ZBTB20: variants seen among roughly 807,000 people sequenced by gnomAD.
The protein encoded by ZBTB20 is zinc finger and BTB domain-containing protein 20.
A neutral mutation model predicts 56.9 loss-of-function variants in ZBTB20; 9 were observed. That is an observed-to-expected ratio of 0.16 (90% CI 0.10 to 0.28). The LOEUF (loss-of-function observed/expected upper bound fraction) is 0.28, where lower values mean the gene tolerates loss of function less well. Among genes scored for constraint, ZBTB20 ranks in the 10% least tolerant of loss-of-function variants. ZBTB20 has a pLI of 1.00. For missense variants in ZBTB20, 655 were observed against 1,003.0 expected (o/e 0.65, Z 4.69); for synonymous variants, 417 against 420.7 (o/e 0.99, Z 0.11).
chr3:114,727,532 T>C (rs2065396563), intron 5 of ZBTB20, among the ~76,000 whole-genome samples: 2 of 152,334 alleles, frequency 1.3e-5, no homozygotes, highest in African/African-American at 2.4e-5. Flanking sequence ...CAAAACAAAC[T>C]TCCACTATGT....
intron 5 of ZBTB20, among the ~76,000 whole-genome samples, chr3:114,775,220 G>A (rs2069504181): frequency 6.6e-6 from 1 of 151,574 alleles, no homozygotes; most frequent in East Asian, 1.9e-4. Flanking sequence ...ACCATCCTAT[G>A]CCAATTTTCA....
At chr3:114,946,937 C>G in intron 3 of ZBTB20, among the ~76,000 whole-genome samples, 1 of 145,196 alleles carries the variant, frequency 6.9e-6, no homozygotes, top group Admixed American at 6.6e-5. Context: ...CTAGAACTTA[C>G]AAGGAACTCA....
chr3:114,420,032 T>A (rs1246792984), intron 7 of ZBTB20, among the ~76,000 whole-genome samples: 11 of 152,154 alleles, frequency 7.2e-5, no homozygotes, highest in Non-Finnish European at 1.6e-4. Flanking sequence ...TAGGTCCCAA[T>A]GGACTTCTCC....
intron 6 of ZBTB20, among the ~76,000 whole-genome samples, chr3:114,632,293 G>A (rs909473856): frequency 4.6e-5 from 7 of 152,134 alleles, no homozygotes; most frequent in African/African-American, 9.7e-5. Context: ...TGTGCTATGC[G>A]TGAGTACTGA....
At chr3:115,134,309 A>G (rs897077959) in intron 1 of ZBTB20, among the ~76,000 whole-genome samples, 8 of 152,190 alleles carry the variant, frequency 5.3e-5, no homozygotes, top group Admixed American at 5.2e-4. Context: ...AAAACTGTTA[A>G]AATTTGATAT....
chr3:114,568,723 T>C lies in ZBTB20; in HGVS notation c.-294-68332A>G, dbSNP rs144374606. 1.6e-3 allele frequency among the ~76,000 whole-genome samples: 247 copies of C among 152,326 alleles called. 1 individual carries two copies. Among genetic ancestry groups the C allele is most frequent in the African/African-American group, 5.7e-3 (235 of 41,568 alleles). ...AGTTATTACTTAGAGAGTATAAATA[T>C]AAGCTGTTAACAGGACATGAATGAC... On this transcript the variant is annotated intron_variant, in intron 6 of 11. Coordinates refer to ENST00000675478, the MANE Select transcript of ZBTB20 (RefSeq NM_001348800.3).
intron 1 of ZBTB20, among the ~76,000 whole-genome samples, chr3:115,113,286 A>T (rs2108630832): frequency 1.3e-5 from 2 of 152,360 alleles, no homozygotes; most frequent in East Asian, 3.9e-4. Context: ...TACAGCAGTT[A>T]TGTGTCTCTT....
chr3:114,404,232 C>G (rs2087085394), intron 7 of ZBTB20, among the ~76,000 whole-genome samples: 2 of 152,130 alleles, frequency 1.3e-5, no homozygotes. Flanking sequence ...CTAAGGTAAT[C>G]ACGATCATTC....
chr3:114,458,678 G>A (rs765222169), intron 7 of ZBTB20, among the ~76,000 whole-genome samples: 1 of 151,598 alleles, frequency 6.6e-6, no homozygotes. Context: ...TGAACGTACG[G>A]GTTTTCAGTG....
chr3:115,018,443 T>G (rs933376760), intron 2 of ZBTB20, among the ~76,000 whole-genome samples: 1 of 151,514 alleles, frequency 6.6e-6, no homozygotes, highest in African/African-American at 2.4e-5. Flanking sequence ...TAAATATGAT[T>G]ATTTCCATCT....
intron 6 of ZBTB20, among the ~76,000 whole-genome samples, chr3:114,665,764 G>A (rs896712451): frequency 2.0e-5 from 3 of 151,904 alleles, no homozygotes; most frequent in Admixed American, 6.6e-5. Context: ...ACAATTCATT[G>A]AACATGAGAA....
chr3:115,107,981 T>G (rs1263873852), intron 1 of ZBTB20, among the ~76,000 whole-genome samples: 1 of 152,156 alleles, frequency 6.6e-6, no homozygotes, highest in African/African-American at 2.4e-5. Flanking sequence ...CACCAGGGCC[T>G]GTCGGCGGGT....
At chr3:114,709,834 T>C (rs1320466104) in intron 5 of ZBTB20, among the ~76,000 whole-genome samples, 2 of 152,212 alleles carry the variant, frequency 1.3e-5, no homozygotes, top group Non-Finnish European at 2.9e-5. Context: ...ACTCTGCTGA[T>C]GCTAGACCGG....
intron 10 of ZBTB20, among the ~76,000 whole-genome samples, chr3:114,377,110 C>T (rs1400881044): frequency 6.6e-6 from 1 of 152,188 alleles, no homozygotes; most frequent in African/African-American, 2.4e-5. Context: ...AGCTCATACT[C>T]AGCTTGCTTA....
At chr3:114,944,889 A>G (rs1202545205) in intron 3 of ZBTB20, among the ~76,000 whole-genome samples, 2 of 145,558 alleles carry the variant, frequency 1.4e-5, no homozygotes, top group African/African-American at 2.8e-5. Flanking sequence ...GACAAGAGGA[A>G]TAAGTTTTAG....
intron 1 of ZBTB20, among the ~76,000 whole-genome samples, chr3:115,113,226 T>C (rs1297996928): frequency 6.6e-6 from 1 of 152,248 alleles, no homozygotes; most frequent in Non-Finnish European, 1.5e-5. Flanking sequence ...GCAAGTATTT[T>C]CTGCTGTGTT....
intron 10 of ZBTB20, among the ~76,000 whole-genome samples, chr3:114,365,726 T>A (rs538707948): frequency 6.6e-6 from 1 of 152,300 alleles, no homozygotes; most frequent in South Asian, 2.1e-4. Flanking sequence ...AATCATCTGT[T>A]TGAGCATCTT....
rs117109471 is a variant in ZBTB20, at chr3:114,615,943, C to T, written c.-295+77585G>A. Among the ~76,000 whole-genome samples, 233 of 152,296 alleles carry T rather than the reference C, an allele frequency of 1.5e-3. 8 individuals are homozygous for T. The East Asian group carries it at 0.044, about 29-fold the overall frequency. ...AGCCTTCTGATACGCAGCAGGATATCCTTTCTTTGCCATGCAATGTACACG... is the reference window on the plus strand; with the variant it reads ...AGCCTTCTGATACGCAGCAGGATATTCTTTCTTTGCCATGCAATGTACACG... On this transcript the variant is annotated intron_variant, in intron 6 of 11. Transcript: ENST00000675478.
chr3:114,750,008 T>C (rs1315911743), intron 5 of ZBTB20, among the ~76,000 whole-genome samples: 1 of 152,212 alleles, frequency 6.6e-6, no homozygotes, highest in Admixed American at 6.5e-5. Context: ...CTATTAAGCC[T>C]AAATAATTTG....
Sources: allele counts gnomAD v4.1 joint callset (sites outside exome capture counted in the v4.1 genomes callset), GRCh38; gene constraint gnomAD v4.1.1; transcripts MANE v1.5; gene names NCBI Gene and HGNC (gene_info 2026-07-23, HGNC 2026-07-21).